Variants in CANX observed in about 807,000 individuals in gnomAD.
CANX encodes calnexin.
In CANX, 14 loss-of-function variants were observed where a neutral mutation model predicts 75.7. That is an observed-to-expected ratio of 0.19 (90% CI 0.12 to 0.29). CANX has a LOEUF of 0.29. CANX is among the 10% of genes least tolerant of loss of function. The pLI, the probability that CANX is intolerant of heterozygous loss-of-function variation, is 1.00. For synonymous variants in CANX, 227 were observed against 236.9 expected (o/e 0.96, Z 0.38); for missense variants, 567 against 713.2 (o/e 0.79, Z 2.34).
intron 1 of CANX, among the ~76,000 whole-genome samples, chr5:179,683,220 G>C (rs1043820653): frequency 1.3e-5 from 2 of 152,018 alleles, no homozygotes; most frequent in Non-Finnish European, 2.9e-5. Flanking sequence ...CCTCCACTTC[G>C]AGGTTCACAC....
At chr5:179,703,611 C>CT (rs1456245000) in intron 1 of CANX, among the ~76,000 whole-genome samples, 2 of 149,936 alleles carry the variant, frequency 1.3e-5, no homozygotes, top group African/African-American at 2.5e-5. Flanking sequence ...CTAAATTTTT[C>CT]TTTTTTTGAT....
intron 1 of CANX, chr5:179,679,263 C>T (rs1752923616): frequency 6.6e-7 from 1 of 1,521,386 alleles, no homozygotes. Context: ...CCAGGGGGCG[C>T]TGCTGGGAGA....
At chr5:179,719,833 T>G (rs558803635) in intron 9 of CANX, 52 bp downstream of exon 9, 1 of 1,041,956 alleles carries the variant, frequency 9.6e-7, no homozygotes, top group Admixed American at 2.3e-5. Flanking sequence ...TGTTTGTTTT[T>G]TTTTTTGAGA....
At chr5:179,728,252 T>G (rs1332053303) in intron 14 of CANX, among the ~76,000 whole-genome samples, 1 of 152,236 alleles carries the variant, frequency 6.6e-6, no homozygotes, top group Non-Finnish European at 1.5e-5. Context: ...TGGTTTCTTA[T>G]CCTCAGAATG....
upstream of CANX, chr5:179,698,389 T>C: frequency 1.6e-6 from 2 of 1,218,254 alleles, no homozygotes; most frequent in Non-Finnish European, 2.1e-6. Flanking sequence ...CTGCAGGAAC[T>C]GCGGCGCCGG....
At chr5:179,707,356 G>A (rs1456264182) in intron 4 of CANX, among the ~76,000 whole-genome samples, 166 bp downstream of exon 4, 2 of 152,070 alleles carry the variant, frequency 1.3e-5, no homozygotes, top group South Asian at 2.1e-4. Flanking sequence ...AAGCCAAGGC[G>A]GGCAGATCAC....
In CANX at chr5:179,680,302, T is replaced by C. The variant is rs1776029750; in HGVS notation, c.-4+1525T>C. 2.0e-5 allele frequency among the ~76,000 whole-genome samples: 3 copies of C among 152,128 alleles called. No individual in the cohort carries two copies. The South Asian group carries it at 6.2e-4, about 32-fold the overall frequency. On this transcript the variant is annotated intron_variant, in intron 1 of 14. Coordinates refer to the CANX transcript ENST00000681674. Reference sequence around the variant, plus strand: ...AGGATTAGAAAGCCGGGGTTAGATCTGGATTCTGAAAGCAATCTGGGAGGA... The same window carrying C: ...AGGATTAGAAAGCCGGGGTTAGATCCGGATTCTGAAAGCAATCTGGGAGGA...
chr5:179,679,198 A>T (rs1775986309), intron 1 of CANX: 1 of 1,534,124 alleles, frequency 6.5e-7, no homozygotes, highest in African/African-American at 1.4e-5. Flanking sequence ...AGCGCTGGCG[A>T]CTCGTGCTGC....
At chr5:179,704,626 A>G (rs1777003826) in intron 1 of CANX, among the ~76,000 whole-genome samples, 1 of 152,056 alleles carries the variant, frequency 6.6e-6, no homozygotes, top group Non-Finnish European at 1.5e-5. Context: ...ACCTGAGGTC[A>G]GGAGTTCGAG....
At chr5:179,714,703 G>C (rs1429730210) in intron 7 of CANX, among the ~76,000 whole-genome samples, 6 of 152,046 alleles carry the variant, frequency 3.9e-5, no homozygotes, top group Non-Finnish European at 5.9e-5. Context: ...ATTTTTGGTA[G>C]AGACGGGGTT....
At chr5:179,721,949 T>C (rs1011770922) in intron 10 of CANX, among the ~76,000 whole-genome samples, 1 of 152,154 alleles carries the variant, frequency 6.6e-6, no homozygotes, top group East Asian at 1.9e-4. Flanking sequence ...AAATTTTTTA[T>C]TTTTTTCCTC....
chr5:179,707,031 G>A (rs1777182493), intron 3 of CANX, 101 bp from the exon 4 acceptor site: 3 of 739,490 alleles, frequency 4.1e-6, no homozygotes, highest in Non-Finnish European at 7.5e-6. Context: ...GGTTAAATAG[G>A]CTAAGAGCAG....
At chr5:179,703,334 C>T (rs530605759) in intron 1 of CANX, among the ~76,000 whole-genome samples, 1 of 152,152 alleles carries the variant, frequency 6.6e-6, no homozygotes, top group South Asian at 2.1e-4. Flanking sequence ...TCTCCTCCCT[C>T]AGCCTCCTGA....
chr5:179,710,191 G>A, intron 7 of CANX, 126 bp downstream of exon 7: 1 of 582,600 alleles, frequency 1.7e-6, no homozygotes, highest in Non-Finnish European at 3.0e-6. Context: ...GGGAGGCCGA[G>A]ATGGGCAGAT....
intron 8 of CANX, among the ~76,000 whole-genome samples, chr5:179,717,671 A>G (rs1215059494): frequency 6.6e-5 from 10 of 151,144 alleles, no homozygotes; most frequent in African/African-American, 2.2e-4. Flanking sequence ...TAATGCTGCT[A>G]TGAATGTTCA....
rs35136597 is a variant in CANX at position 179,731,476 on chromosome 5, T to TAA, written c.*2843_*2844dup. Among the ~76,000 whole-genome samples, 1 of 142,828 alleles carries TAA rather than the reference T, an allele frequency of 7.0e-6. No homozygotes were observed. The highest frequency in any genetic ancestry group is 2.6e-5 in the African/African-American group (1 of 39,024). The allele number at this position is 142,828 out of a possible 152,430, so 93.7% of individuals were successfully genotyped here. A position where few individuals can be genotyped will look rare whatever the true frequency, so the allele number is the denominator to read the frequency against. ...TCTGGTGTAAAATTTGTTTGAATGCTAAAAAAAAAAAAGCAGGACTGCATT... is the reference window on the plus strand; with the variant it reads ...TCTGGTGTAAAATTTGTTTGAATGCTAAAAAAAAAAAAAAGCAGGACTGCATT... On this transcript the variant is annotated 3_prime_UTR_variant, in exon 15 of 15. Coordinates refer to ENST00000247461, the MANE Select transcript of CANX (RefSeq NM_001746.4).
chr5:179,678,665 G>A lies in CANX; in HGVS notation c.-116G>A, dbSNP rs760632581. On this transcript the variant is annotated 5_prime_UTR_variant, in exon 1 of 15. Coordinates refer to the CANX transcript ENST00000681674. ...GCGCTTGCGCATCTTCCTCTGCCCG[G>A]CGCGCGCCGCAGCCGTCGGGATCAC... 9.8e-6 allele frequency: 15 copies of A among 1,535,408 alleles called. No individual in the cohort carries two copies. The highest frequency in any genetic ancestry group is 1.7e-4 in the Middle Eastern group (1 of 6,006).
At chr5:179,698,771 C>T (rs1235957878), upstream of CANX, 2 of 653,922 alleles carry the variant, frequency 3.1e-6, no homozygotes, top group Non-Finnish European at 4.6e-6. Context: ...TCCTGCCTCA[C>T]TCCCGGCCAA....
At chr5:179,714,518 ATT>A (rs1197707587) in intron 7 of CANX, among the ~76,000 whole-genome samples, 7 of 149,480 alleles carry the variant, frequency 4.7e-5, no homozygotes, top group African/African-American at 1.8e-4. Context: ...TTTTTTATTT[ATT>A]TTTATTTTTT....
Sources: allele counts gnomAD v4.1 joint callset (sites outside exome capture counted in the v4.1 genomes callset), GRCh38; gene constraint gnomAD v4.1.1; transcripts MANE v1.5; gene names NCBI Gene and HGNC (gene_info 2026-07-23, HGNC 2026-07-21).